Variants in HEATR1 observed in about 807,000 individuals in gnomAD.
HEATR1 encodes the protein HEAT repeat containing 1, also known as HEAT repeat-containing protein 1.
HEATR1 carries 77 observed loss-of-function variants against 248.2 expected under a neutral mutation model. The ratio of observed to expected loss-of-function variants is 0.31; its 90% CI spans 0.26 to 0.37. The LOEUF is 0.37. Ranked by LOEUF, HEATR1 falls within the 10% of genes least tolerant of loss-of-function variation. HEATR1 has a pLI of 1.00. For missense variants in HEATR1, 2,420 were observed against 2,504.9 expected, an observed-to-expected ratio of 0.97 and a Z score of 0.72; for synonymous variants, 897 against 923.1, an observed-to-expected ratio of 0.97 and a Z score of 0.51.
intron 30 of HEATR1, among the ~76,000 whole-genome samples, chr1:236,566,417 A>T (rs1663271719): frequency 8.6e-6 from 1 of 116,686 alleles, no homozygotes; most frequent in Non-Finnish European, 1.9e-5. Flanking sequence ...TTTCTCAGAA[A>T]AGTTAATTCG....
chr1:236,579,935 AAAC>A (rs55755461), intron 20 of HEATR1, among the ~76,000 whole-genome samples: 84,814 of 150,390 alleles, frequency 0.56, 25,735 homozygotes, highest in Non-Finnish European at 0.68. Flanking sequence ...ATTAAAAAAA[AAAC>A]AACAAGAAAC....
chr1:236,574,541 C>A, intron 23 of HEATR1, 120 bp downstream of exon 23: 1 of 1,323,706 alleles, frequency 7.6e-7, no homozygotes, highest in South Asian at 1.5e-5. Flanking sequence ...GTCTAGTCCA[C>A]CTGTAACTAT....
rs1664019166 is a variant in HEATR1 at position 236,590,907 on chromosome 1, T to C, written c.1470A>G (p.Pro490=). 2 of 1,522,670 alleles carry C rather than the reference T, an allele frequency of 1.3e-6. No individual in the cohort carries two copies. Among genetic ancestry groups the C allele is most frequent in the Non-Finnish European group, 1.8e-6 (2 of 1,126,050 alleles). The allele number at this position is 1,522,670 out of a possible 1,614,324, so 94.3% of individuals were successfully genotyped here. ...TGGCCAGAATTCTCACAGGAGCAAG[T>C]GGATGATTCAGGCTGAGCATCAAAG... ...DTSLMLSLNH[P]LAPVRILAMN... The change falls in exon 12 of 45, where the codon CCA becomes CCG. Residue 490 remains proline, a synonymous_variant. Transcript: ENST00000366582.
chr1:236,586,495 A>T, intron 14 of HEATR1, 43 bp from the exon 15 acceptor site: 1 of 1,439,986 alleles, frequency 6.9e-7, no homozygotes, highest in Non-Finnish European at 9.7e-7. Context: ...ACACATTGGA[A>T]GGCTTCAATT....
At chr1:236,564,336 C>T (rs532106881) in intron 32 of HEATR1, among the ~76,000 whole-genome samples, 162 bp downstream of exon 32, 4 of 152,256 alleles carry the variant, frequency 2.6e-5, no homozygotes, top group East Asian at 3.9e-4. Context: ...TAGATCATGA[C>T]GAACGGCTTT....
intron 5 of HEATR1, 93 bp downstream of exon 5, chr1:236,597,785 T>A: frequency 1.3e-6 from 1 of 752,026 alleles, no homozygotes; most frequent in Non-Finnish European, 2.2e-6. Flanking sequence ...ATCCAAAGTA[T>A]CATTGTTATT....
chr1:236,592,136 C>T, intron 10 of HEATR1, 26 bp from the exon 11 acceptor site: 3 of 1,136,804 alleles, frequency 2.6e-6, no homozygotes, highest in Non-Finnish European at 3.9e-6. Flanking sequence ...AAAGTGAATT[C>T]ATTATTCTTA....
intron 32 of HEATR1, among the ~76,000 whole-genome samples, chr1:236,563,272 CTTTTT>C (rs1046287964): frequency 1.3e-5 from 2 of 151,688 alleles, no homozygotes; most frequent in African/African-American, 2.4e-5. Flanking sequence ...GAGTTTTTTC[CTTTTT>C]TTTATTTTTT....
chr1:236,566,810 C>T lies in HEATR1; in HGVS notation c.4144G>A (p.Val1382Ile), dbSNP rs146444485. 19 of 1,613,986 alleles carry T rather than the reference C, an allele frequency of 1.2e-5. No homozygotes were observed. In the African/African-American group the frequency reaches 2.0e-4, roughly 17 times the overall value. The change falls in exon 30 of 45, where the codon GTA becomes ATA. Residue 1382 changes from valine to isoleucine, a missense_variant. Physicochemically the swap from Val to Ile is conservative, Grantham distance 29. Transcript: ENST00000366582. ...VEEIVVKIISVFVDALPHVPE... is the reference protein window; with the variant it reads ...VEEIVVKIISIFVDALPHVPE... ...ACGTGTGGCAGCGCATCCACAAATA[C>T]ACTAATGATTTTTACCACAATCTCT...
In HEATR1 at chr1:236,574,665, TC is replaced by T; in HGVS notation, c.3322del (p.Glu1108LysfsTer21). On this transcript the variant is annotated frameshift_variant, in exon 23 of 45. Coordinates refer to ENST00000366582, the MANE Select transcript of HEATR1 (RefSeq NM_018072.6). LOFTEE classifies it high-confidence loss of function. ...GMPTIQITAL[E>X]KITKPFFAAI... ...TTTCTGAAAGAAATCACTGACCTTT[TC>T]AAGGGCTGTGATCTGAATGGTTGGC... 1 of 1,611,904 alleles carries T rather than the reference TC, an allele frequency of 6.2e-7. No individual in the cohort carries two copies. The highest frequency in any genetic ancestry group is 8.5e-7 in the Non-Finnish European group (1 of 1,179,120).
chr1:236,565,194 G>A (rs1458852935), intron 31 of HEATR1, among the ~76,000 whole-genome samples: 2 of 152,198 alleles, frequency 1.3e-5, no homozygotes, highest in African/African-American at 2.4e-5. Flanking sequence ...GGATGACAGG[G>A]CCAATGGCTG....
chr1:236,550,881 T>C lies in HEATR1; in HGVS notation c.*21A>G, dbSNP rs751391092. 2.6e-6 allele frequency: 4 copies of C among 1,551,520 alleles called. No homozygotes were observed. Among genetic ancestry groups the C allele is most frequent in the Non-Finnish European group, 3.5e-6 (4 of 1,146,210 alleles). ...ATATGAGTGTGAACTCTGAGTAGAG[T>C]ATGAAACACCACAGAAAGTCTTAGA... On this transcript the variant is annotated 3_prime_UTR_variant, in exon 45 of 45. Coordinates refer to ENST00000366582, the MANE Select transcript of HEATR1 (RefSeq NM_018072.6).
chr1:236,596,025 G>C lies in HEATR1; in HGVS notation c.764C>G (p.Pro255Arg). The C allele has an allele frequency of 1.9e-6, 3 of 1,604,954 alleles. No individual in the cohort carries two copies. Among genetic ancestry groups the C allele is most frequent in the Non-Finnish European group, 2.6e-6 (3 of 1,173,158 alleles). Reference sequence around the variant, plus strand: ...CATGTATGTTGCAGCTCTGTAATCTGGTAAAGATGATTTCAATCCCTAAAT... The same window carrying C: ...CATGTATGTTGCAGCTCTGTAATCTCGTAAAGATGATTTCAATCCCTAAAT... ...YIQKGLKSSL[P>R]DYRAATYMII... The change falls in exon 7 of 45, where the codon CCA (proline) becomes CGA (arginine). Residue 255 changes from proline to arginine, a missense_variant. Pro to Arg is a moderately radical substitution (Grantham distance 103). Coordinates refer to ENST00000366582, the MANE Select transcript of HEATR1 (RefSeq NM_018072.6).
Position 236,550,467 on chromosome 1 carries a change from A to C in HEATR1, c.*435T>G, listed in dbSNP as rs2103117431. 6.5e-6 allele frequency: 1 copy of C among 154,938 alleles called. No homozygotes were observed. Among genetic ancestry groups the C allele is most frequent in the Non-Finnish European group, 1.4e-5 (1 of 69,954 alleles). 9.6% of individuals were successfully genotyped at this position (154,938 alleles called of 1,614,324 possible). A position where few individuals can be genotyped will look rare whatever the true frequency, so the allele number is the denominator to read the frequency against. ...AAAGTACTTCTGTTGATTGCTAAAT[A>C]ACTTCATTTTCTTGAAATAGAGCAA... On this transcript the variant is annotated 3_prime_UTR_variant, in exon 45 of 45. Coordinates refer to ENST00000366582, the MANE Select transcript of HEATR1 (RefSeq NM_018072.6).
In HEATR1 at chr1:236,556,168, T is replaced by C. The variant is rs1263713806; in HGVS notation, c.5446A>G (p.Thr1816Ala). ...GGCAACAGGACTCGGGGTGCAAGTG[T>C]GGTAGCCAGTGTCTTTTTAAGAGAT... The part of the protein sequence containing the change: ...LTSLKKTLAT[T>A]LAPRVLLPAI... Residue 1816 changes from threonine (T) to alanine (A), a missense_variant, in exon 38 of 45, where the codon ACA (threonine) becomes GCA (alanine). Transcript: ENST00000366582. 3.1e-6 allele frequency: 5 copies of C among 1,614,086 alleles called. No homozygotes were observed. The South Asian group carries it at 5.5e-5, about 18-fold the overall frequency.
chr1:236,584,844 C>T (rs1013169010), intron 17 of HEATR1, among the ~76,000 whole-genome samples, 181 bp downstream of exon 17: 2 of 152,100 alleles, frequency 1.3e-5, no homozygotes, highest in African/African-American at 2.4e-5. Context: ...CTAAACTTTC[C>T]GCAAAAGCAA....
intron 20 of HEATR1, among the ~76,000 whole-genome samples, chr1:236,580,270 G>C (rs1433069959): frequency 6.6e-6 from 1 of 152,122 alleles, no homozygotes. Flanking sequence ...ATTTATGCCC[G>C]ATAAAAGAGA....
At position 236,553,600 on chromosome 1, in the gene HEATR1, G is replaced by A. The variant is rs200854169; in HGVS notation, c.6218C>T (p.Thr2073Met). 3.7e-5 allele frequency: 59 copies of A among 1,613,720 alleles called. 1 individual carries two copies. The highest frequency in any genetic ancestry group is 1.1e-4 in the African/African-American group (8 of 74,992). Residue 2073 changes from threonine to methionine, a missense_variant, in exon 43 of 45, where the codon ACG becomes ATG. By Grantham distance (81) the Thr-to-Met change is moderately conservative. Coordinates refer to ENST00000366582, the MANE Select transcript of HEATR1 (RefSeq NM_018072.6). ...KPLNYQILLKTRDSSPKVRFA... is the reference protein window; with the variant it reads ...KPLNYQILLKMRDSSPKVRFA... ...CCTAACCTTAGGCGAGGAGTCTCTC[G>A]TCTTTAGCAGAATCTGGTAGTTCAG...
chr1:236,568,981 A>G lies in HEATR1; in HGVS notation c.4077+15T>C. The G allele has an allele frequency of 6.5e-7, 1 of 1,529,050 alleles. No individual in the cohort carries two copies. The highest frequency in any genetic ancestry group is 8.7e-7 in the Non-Finnish European group (1 of 1,144,194). 94.7% of individuals were successfully genotyped at this position (1,529,050 alleles called of 1,614,324 possible). On this transcript the variant is annotated intron_variant, in intron 29 of 44. Coordinates refer to ENST00000366582, the MANE Select transcript of HEATR1 (RefSeq NM_018072.6). The stretch of plus-strand genomic sequence containing the variant: ...TTAAAAAAAGAAACCCCACGATGGT[A>G]TAAAGAGACCTTACCTGAATAAGTG...
Sources: allele counts gnomAD v4.1 joint callset (sites outside exome capture counted in the v4.1 genomes callset), GRCh38; gene constraint gnomAD v4.1.1; transcripts MANE v1.5; gene names NCBI Gene and HGNC (gene_info 2026-07-23, HGNC 2026-07-21).